GOLGB1: variants seen among roughly 807,000 people sequenced by gnomAD.
The protein encoded by GOLGB1 is golgin B1.
GOLGB1 carries 174 observed loss-of-function variants against 336.9 expected under a neutral mutation model. The observed-to-expected ratio is 0.52, with a 90% CI of 0.46 to 0.59. The LOEUF is 0.59. Ranked by LOEUF, GOLGB1 falls within the 20% of genes least tolerant of loss-of-function variation. The pLI, the probability that GOLGB1 is intolerant of heterozygous loss-of-function variation, is 0.00. For synonymous variants in GOLGB1, 1,208 were observed against 1,289.2 expected, an observed-to-expected ratio of 0.94 and a Z score of 1.35; for missense variants, 3,331 against 3,645.3, an observed-to-expected ratio of 0.91 and a Z score of 2.22.
chr3:121,716,453 T>A (rs777443415), intron 9 of GOLGB1, among the ~76,000 whole-genome samples: 2 of 152,230 alleles, frequency 1.3e-5, no homozygotes, highest in Non-Finnish European at 2.9e-5. Flanking sequence ...GTTTCAGTCA[T>A]TGAATCCTTC....
intron 1 of GOLGB1, among the ~76,000 whole-genome samples, chr3:121,746,838 T>A (rs1947324491): frequency 6.6e-6 from 1 of 151,928 alleles, no homozygotes; most frequent in Non-Finnish European, 1.5e-5. Flanking sequence ...TTCCCAGTTT[T>A]AAGGTGAGTA....
chr3:121,733,651 G>A (rs1440243526), intron 1 of GOLGB1, among the ~76,000 whole-genome samples: 2 of 152,188 alleles, frequency 1.3e-5, no homozygotes, highest in East Asian at 1.9e-4. Flanking sequence ...GGCAAGGAGT[G>A]TGGAAATTAC....
rs1293974102 is a variant in GOLGB1 at position 121,747,322 on chromosome 3, TGTATATAC to T, written c.-3+2302_-3+2309del. Among the ~76,000 whole-genome samples the T allele has an allele frequency of 7.0e-5, 10 of 142,996 alleles. No homozygotes were observed. The South Asian group carries it at 2.0e-3, about 28-fold the overall frequency. 93.8% of individuals were successfully genotyped at this position (142,996 alleles called of 152,430 possible). A position where few individuals can be genotyped will look rare whatever the true frequency, so the allele number is the denominator to read the frequency against. On this transcript the variant is annotated intron_variant, in intron 1 of 21. Coordinates refer to ENST00000614479, the MANE Select transcript of GOLGB1 (RefSeq NM_001366282.2). ...GTATATATGTATATATGTATATATG[TGTATATAC>T]GTATATATGTATATATATGTGTATA...
intron 20 of GOLGB1, among the ~76,000 whole-genome samples, chr3:121,665,563 A>C (rs1019007144): frequency 5.9e-5 from 9 of 152,250 alleles, no homozygotes; most frequent in African/African-American, 1.9e-4. Context: ...TGAACTAAAA[A>C]AAATTAAATT....
chr3:121,693,719 GA>G, intron 13 of GOLGB1, 21 bp downstream of exon 13: 2 of 1,548,374 alleles, frequency 1.3e-6, no homozygotes, highest in Non-Finnish European at 1.8e-6. Context: ...TCTGGAGGAG[GA>G]AAAATTCACT....
intron 14 of GOLGB1, among the ~76,000 whole-genome samples, chr3:121,686,664 TAC>T (rs35557945): frequency 0.69 from 104,840 of 150,930 alleles, 37,116 homozygotes; most frequent in East Asian, 0.85. Context: ...ATTAAACATA[TAC>T]ACACACACAC....
rs756077834 is a variant in GOLGB1, at chr3:121,698,707, T to C, written c.1816A>G (p.Met606Val). The C allele has an allele frequency of 2.5e-6, 4 of 1,613,792 alleles. No individual in the cohort carries two copies. In the East Asian group the frequency reaches 8.9e-5, roughly 36 times the overall value. The change falls in exon 13 of 22, where the codon ATG becomes GTG. Residue 606 changes from methionine (M) to valine (V), a missense_variant. Coordinates refer to ENST00000614479, the MANE Select transcript of GOLGB1 (RefSeq NM_001366282.2). ...EVLDQKEMKQ[M>V]EGEGIAPIKM... is the part of the protein sequence containing the mutation. ...ATTGGAGCTATTCCCTCACCCTCCA[T>C]CTGTTTCATTTCTTTCTGGTCAAGG... is the stretch of plus-strand genomic sequence containing the variant.
chr3:121,746,406 C>T (rs1213350381), intron 1 of GOLGB1, among the ~76,000 whole-genome samples: 4 of 152,194 alleles, frequency 2.6e-5, no homozygotes, highest in Non-Finnish European at 5.9e-5. Flanking sequence ...CTGCCAAACA[C>T]TGCTCCAATA....
chr3:121,715,039 T>C, intron 9 of GOLGB1, 63 bp from the exon 10 acceptor site: 1 of 890,172 alleles, frequency 1.1e-6, no homozygotes, highest in South Asian at 1.4e-5. Flanking sequence ...GTTATTATTA[T>C]CTTCTAAAGA....
Position 121,694,567 on chromosome 3 carries a change from T to C in GOLGB1, c.5956A>G (p.Lys1986Glu). The change falls in exon 13 of 22, where the codon AAG becomes GAG. Residue 1986 changes from lysine (K) to glutamate (E), a missense_variant. Transcript: ENST00000614479. ...EKQQLVKEKT[K>E]VESEIRKEYL... is the part of the protein sequence containing the mutation. ...TCCTTTCGTATTTCTGATTCCACCT[T>C]AGTTTTTTCCTTGACTAACTGCTGC... is the stretch of plus-strand genomic sequence containing the variant. The C allele has an allele frequency of 6.2e-7, 1 of 1,612,696 alleles. No homozygotes were observed. Among genetic ancestry groups the C allele is most frequent in the Non-Finnish European group, 8.5e-7 (1 of 1,179,932 alleles).
At chr3:121,684,055 G>A (rs1322771394) in intron 14 of GOLGB1, among the ~76,000 whole-genome samples, 1 of 147,876 alleles carries the variant, frequency 6.8e-6, no homozygotes, top group Non-Finnish European at 1.5e-5. Flanking sequence ...TTGAATTCAG[G>A]AGGCGGAGGT....
intron 1 of GOLGB1, among the ~76,000 whole-genome samples, chr3:121,740,880 A>C (rs1267164462): frequency 6.6e-6 from 1 of 152,066 alleles, no homozygotes; most frequent in Non-Finnish European, 1.5e-5. Context: ...AAGAGCCCAC[A>C]ATGTACCTCA....
chr3:121,695,693 T>C lies in GOLGB1; in HGVS notation c.4830A>G (p.Gln1610=). Residue 1610 remains glutamine, a synonymous_variant, in exon 13 of 22, where the codon CAA becomes CAG. Transcript: ENST00000614479. ...CTTTTTGTAGCTCCTTGTGTTTCTC[T>C]TGCCACTCAGTACTTTCTGCAATCT... ...SSKIAESTEW[Q]EKHKELQKEY... 1 of 1,612,008 alleles carries C rather than the reference T, an allele frequency of 6.2e-7. No individual in the cohort carries two copies. The highest frequency in any genetic ancestry group is 8.5e-7 in the Non-Finnish European group (1 of 1,179,974).
chr3:121,716,131 A>T (rs558596749), intron 9 of GOLGB1, among the ~76,000 whole-genome samples: 2 of 152,312 alleles, frequency 1.3e-5, no homozygotes, highest in East Asian at 3.9e-4. Flanking sequence ...GGGGAAGAGG[A>T]TTGGTGAGAT....
intron 1 of GOLGB1, among the ~76,000 whole-genome samples, chr3:121,737,314 T>C (rs1440010484): frequency 6.6e-6 from 1 of 152,238 alleles, no homozygotes; most frequent in Non-Finnish European, 1.5e-5. Context: ...TACGTGATTA[T>C]GCCTAATTTT....
At chr3:121,687,114 A>C (rs1470746369) in intron 14 of GOLGB1, among the ~76,000 whole-genome samples, 1 of 152,132 alleles carries the variant, frequency 6.6e-6, no homozygotes, top group Non-Finnish European at 1.5e-5. Context: ...CTCTACTAAA[A>C]ATACAAAAAT....
At chr3:121,727,308 ATATATATATATATTTTTTT>A (rs1196466200) in intron 4 of GOLGB1, among the ~76,000 whole-genome samples, 14 of 30,964 alleles carry the variant, frequency 4.5e-4, no homozygotes, top group African/African-American at 1.0e-3. Context: ...ATATATATAT[ATATATATATATATTTTTTT>A]TTTTTTTTTT....
intron 16 of GOLGB1, 68 bp downstream of exon 16, chr3:121,677,217 A>G: frequency 7.4e-7 from 1 of 1,353,324 alleles, no homozygotes; most frequent in Non-Finnish European, 1.0e-6. Flanking sequence ...AAAAAACAAA[A>G]CCCTGCAATC....
chr3:121,713,775 C>T (rs1447475523), intron 10 of GOLGB1, among the ~76,000 whole-genome samples: 1 of 151,790 alleles, frequency 6.6e-6, no homozygotes, highest in South Asian at 2.1e-4. Context: ...GTAAATCTTA[C>T]CTCAAAAGAA....
Sources: allele counts gnomAD v4.1 joint callset (sites outside exome capture counted in the v4.1 genomes callset), GRCh38; gene constraint gnomAD v4.1.1; transcripts MANE v1.5; gene names NCBI Gene and HGNC (gene_info 2026-07-23, HGNC 2026-07-21).